The following AMZ1 variants were observed in gnomAD, a reference collection of about 807,000 sequenced individuals.
AMZ1 encodes archaelysin family metallopeptidase 1.
Under a neutral mutation model 29.9 loss-of-function variants are expected in AMZ1, and 39 were observed. That is an observed-to-expected ratio of 1.30 (90% CI 1.01 to 1.70). The LOEUF (loss-of-function observed/expected upper bound fraction) is 1.70. Ranked by LOEUF, AMZ1 falls within the 40% of genes most tolerant of loss-of-function variation. The pLI, the probability that AMZ1 is intolerant of heterozygous loss-of-function variation, is 0.00. For missense variants in AMZ1, 1,041 were observed against 680.6 expected, an observed-to-expected ratio of 1.53 and a Z score of -5.89; for synonymous variants, 458 against 304.0, an observed-to-expected ratio of 1.51 and a Z score of -5.27.
upstream of AMZ1, among the ~76,000 whole-genome samples, chr7:2,683,637 A>T (rs1257399487): frequency 6.6e-6 from 1 of 151,834 alleles, no homozygotes; most frequent in East Asian, 2.0e-4. Context: ...ACGGGGTTTC[A>T]CCGTGTTAGC....
intron 1 of AMZ1, among the ~76,000 whole-genome samples, chr7:2,688,696 G>A (rs1239387850): frequency 1.3e-5 from 2 of 152,208 alleles, no homozygotes; most frequent in African/African-American, 4.8e-5. Flanking sequence ...AGCCAGGTGG[G>A]TGCGGGACGT....
At chr7:2,744,175 G>C (rs1372407095) in intron 4 of AMZ1, among the ~76,000 whole-genome samples, 1 of 152,216 alleles carries the variant, frequency 6.6e-6, no homozygotes, top group Non-Finnish European at 1.5e-5. Flanking sequence ...GAGAGTAGTG[G>C]TTCTCCCAGC....
intron 4 of AMZ1, among the ~76,000 whole-genome samples, chr7:2,748,984 T>C (rs570957832): frequency 7.6e-4 from 116 of 152,320 alleles, no homozygotes; most frequent in African/African-American, 2.7e-3. Context: ...CCAGTTAGAA[T>C]GGTGATCATT....
chr7:2,681,422 ATTT>A (rs1000786236), intron 1 of AMZ1, among the ~76,000 whole-genome samples: 2 of 151,320 alleles, frequency 1.3e-5, no homozygotes, highest in Non-Finnish European at 2.9e-5. Flanking sequence ...CGCCCGGCTA[ATTT>A]TTTTTTAATT....
At chr7:2,708,946 G>T (rs886579722) in intron 4 of AMZ1, 129 bp from the exon 5 acceptor site, 8 of 1,315,320 alleles carry the variant, frequency 6.1e-6, no homozygotes, top group Non-Finnish European at 8.2e-6. Flanking sequence ...GGGCAGGACA[G>T]GGCCTCCCAG....
chr7:2,710,423 T>C (rs933915969), intron 6 of AMZ1, among the ~76,000 whole-genome samples: 2 of 152,246 alleles, frequency 1.3e-5, no homozygotes, highest in Non-Finnish European at 2.9e-5. Context: ...CAACCAGTTA[T>C]AAGGTGCTCA....
intron 1 of AMZ1, among the ~76,000 whole-genome samples, chr7:2,680,752 C>T (rs1052709629): frequency 6.6e-6 from 1 of 152,250 alleles, no homozygotes; most frequent in African/African-American, 2.4e-5. Context: ...CCTCACAGGC[C>T]TGCCCAGCGC....
chr7:2,718,457 T>G lies in AMZ1; in HGVS notation c.*5579T>G, dbSNP rs1450238354. Among the ~76,000 whole-genome samples, 1 of 152,222 alleles carries G rather than the reference T, an allele frequency of 6.6e-6. No homozygotes were observed. Among genetic ancestry groups the G allele is most frequent in the Non-Finnish European group, 1.5e-5 (1 of 68,036 alleles). ...GTCTCGTGGGCCTCCTTCAGTGGTCTGTGACCAGCGGGAATGAATGGGGAC... is the reference window on the plus strand; with the variant it reads ...GTCTCGTGGGCCTCCTTCAGTGGTCGGTGACCAGCGGGAATGAATGGGGAC... On this transcript the variant is annotated 3_prime_UTR_variant, in exon 7 of 7. Coordinates refer to ENST00000683327, the MANE Select transcript of AMZ1 (RefSeq NM_001384743.1).
rs1790417002 is a variant in AMZ1, at chr7:2,739,973, G to A, written n.551-24739G>A. Among the ~76,000 whole-genome samples the A allele has an allele frequency of 1.3e-5, 2 of 152,252 alleles. 1 individual carries two copies. Among genetic ancestry groups the A allele is most frequent in the South Asian group, 4.2e-4 (2 of 4,818 alleles). On this transcript the variant is annotated intron_variant and non_coding_transcript_variant, in intron 4 of 4. Transcript: ENST00000489665. ...CAGGTGTGAGTCACTGTGCCCGGCAGTCCTTTGGTAATTCTGTGCTTAATT... is the reference window on the plus strand; with the variant it reads ...CAGGTGTGAGTCACTGTGCCCGGCAATCCTTTGGTAATTCTGTGCTTAATT...
chr7:2,698,567 G>A (rs1341400685), intron 1 of AMZ1, among the ~76,000 whole-genome samples: 1 of 151,150 alleles, frequency 6.6e-6, no homozygotes, highest in African/African-American at 2.4e-5. Flanking sequence ...GGGCTCGGGG[G>A]GTCTGTGTGC....
At chr7:2,694,322 G>A (rs1253295408) in intron 1 of AMZ1, among the ~76,000 whole-genome samples, 1 of 152,160 alleles carries the variant, frequency 6.6e-6, no homozygotes, top group East Asian at 1.9e-4. Context: ...GTCCACCATC[G>A]GCTGCCCTGG....
intron 3 of AMZ1, among the ~76,000 whole-genome samples, chr7:2,707,876 GGCAGTGGCGTGA>G (rs1344246954): frequency 6.8e-6 from 1 of 146,148 alleles, no homozygotes; most frequent in Non-Finnish European, 1.5e-5. Flanking sequence ...CAGGCTAGAG[GGCAGTGGCGTGA>G]TGTCAGCTCA....
chr7:2,756,329 T>G (rs139454163), intron 4 of AMZ1, among the ~76,000 whole-genome samples: 33 of 152,336 alleles, frequency 2.2e-4, no homozygotes, highest in Middle Eastern at 3.4e-3. Context: ...ATAAATCTAA[T>G]TCAAACTGGA....
Position 2,700,269 on chromosome 7 carries a change from C to T in AMZ1, c.-183C>T, listed in dbSNP as rs996664434. The stretch of plus-strand genomic sequence containing the variant: ...GCCCAGAAGCGCCCATGCCTGAGAG[C>T]GTCCAGGACCAGGCAGAGCTGGGCC... On this transcript the variant is annotated 5_prime_UTR_variant, in exon 2 of 7. Coordinates refer to ENST00000683327, the MANE Select transcript of AMZ1 (RefSeq NM_001384743.1). 30 of 674,788 alleles carry T rather than the reference C, an allele frequency of 4.4e-5. No individual in the cohort carries two copies. The highest frequency in any genetic ancestry group is 6.4e-5 in the Non-Finnish European group (26 of 407,596). The allele number at this position is 674,788 out of a possible 1,614,324, so 41.8% of individuals were successfully genotyped here.
At chr7:2,688,670 T>G (rs1787198969) in intron 1 of AMZ1, among the ~76,000 whole-genome samples, 1 of 152,022 alleles carries the variant, frequency 6.6e-6, no homozygotes, top group South Asian at 2.1e-4. Context: ...AAAGAAGGCG[T>G]TTCCGGGCTG....
At chr7:2,726,968 G>A (rs1583196285) in intron 4 of AMZ1, among the ~76,000 whole-genome samples, 1 of 152,334 alleles carries the variant, frequency 6.6e-6, no homozygotes, top group East Asian at 1.9e-4. Flanking sequence ...CCCAGCTTCT[G>A]ATCTTGGAGA....
At chr7:2,724,853 G>A (rs1428032532) in intron 4 of AMZ1, among the ~76,000 whole-genome samples, 1 of 152,142 alleles carries the variant, frequency 6.6e-6, no homozygotes, top group Admixed American at 6.5e-5. Context: ...GACAATGTCC[G>A]GGAAGGATTT....
chr7:2,708,799 G>A (rs575384472), intron 4 of AMZ1, 83 bp downstream of exon 4: 10 of 1,594,800 alleles, frequency 6.3e-6, no homozygotes, highest in South Asian at 3.3e-5. Flanking sequence ...CACCCTCTTT[G>A]CTTTTGCTTC....
At chr7:2,685,013 G>A (rs1787019407), upstream of AMZ1, among the ~76,000 whole-genome samples, 2 of 151,848 alleles carry the variant, frequency 1.3e-5, no homozygotes, top group Admixed American at 6.6e-5. Flanking sequence ...GGGACTACAG[G>A]CGCCCGCCAC....
Sources: allele counts gnomAD v4.1 joint callset (sites outside exome capture counted in the v4.1 genomes callset), GRCh38; gene constraint gnomAD v4.1.1; transcripts MANE v1.5; gene names NCBI Gene and HGNC (gene_info 2026-07-23, HGNC 2026-07-21).